The following CARMIL1 variants were observed in gnomAD, a reference collection of about 807,000 sequenced individuals.
CARMIL1 encodes the protein capping protein regulator and myosin 1 linker 1, also known as F-actin-uncapping protein LRRC16A.
CARMIL1 carries 90 observed loss-of-function variants against 177.1 expected under a neutral mutation model. The observed-to-expected ratio is 0.51, with a 90% CI of 0.43 to 0.61. The LOEUF (loss-of-function observed/expected upper bound fraction) is 0.61. CARMIL1 is among the 20% of genes least tolerant of loss of function. The probability of loss-of-function intolerance (pLI) is 0.00; values close to 1 mark genes in which losing one functional copy is unlikely to be tolerated. For synonymous variants in CARMIL1, 577 were observed against 606.2 expected (o/e 0.95, Z 0.71); for missense variants, 1,380 against 1,667.0 (o/e 0.83, Z 3.00).
chr6:25,471,081 A>C, intron 9 of CARMIL1, 88 bp from the exon 10 acceptor site: 4 of 786,436 alleles, frequency 5.1e-6, no homozygotes, highest in Non-Finnish European at 8.2e-6. Context: ...GTTTTACTTA[A>C]TTAAAACTTT....
At chr6:25,352,032 A>G (rs1581657108) in intron 2 of CARMIL1, among the ~76,000 whole-genome samples, 1 of 151,996 alleles carries the variant, frequency 6.6e-6, no homozygotes. Flanking sequence ...TTTTTATTGT[A>G]TCAGTCTCTT....
chr6:25,349,962 C>T (rs7750609), intron 2 of CARMIL1, among the ~76,000 whole-genome samples: 8,865 of 152,060 alleles, frequency 0.058, 577 homozygotes, highest in African/African-American at 0.15. Flanking sequence ...CTCCTGACCT[C>T]GTGATCCGCC....
In CARMIL1 at chr6:25,302,924, C is replaced by T. The variant is rs1025314621; in HGVS notation, c.138+18015C>T. 2.0e-5 allele frequency among the ~76,000 whole-genome samples: 3 copies of T among 151,884 alleles called. No homozygotes were observed. The East Asian group carries it at 5.8e-4, about 29-fold the overall frequency. Reference sequence around the variant, plus strand: ...TTGAGGAGAAAGAGTGTCGTGTCTCCCTGTGTGGTACTGAGTAGTGTTTGT... The same window carrying T: ...TTGAGGAGAAAGAGTGTCGTGTCTCTCTGTGTGGTACTGAGTAGTGTTTGT... On this transcript the variant is annotated intron_variant, in intron 2 of 36. Coordinates refer to ENST00000329474, the MANE Select transcript of CARMIL1 (RefSeq NM_017640.6).
chr6:25,475,090 A>C (rs1562188536), intron 11 of CARMIL1, among the ~76,000 whole-genome samples: 1 of 152,368 alleles, frequency 6.6e-6, no homozygotes, highest in East Asian at 1.9e-4. Flanking sequence ...CCACATGCAA[A>C]ACATGTTAGA....
At chr6:25,601,960 G>A (rs1815453404) in intron 33 of CARMIL1, among the ~76,000 whole-genome samples, 1 of 152,172 alleles carries the variant, frequency 6.6e-6, no homozygotes. Context: ...GAAATCACAT[G>A]TCTATTTTAT....
At position 25,515,278 on chromosome 6, in the gene CARMIL1, A is replaced by G. The variant is rs773462925; in HGVS notation, c.1633-397A>G. Among the ~76,000 whole-genome samples, 5 of 152,200 alleles carry G rather than the reference A, an allele frequency of 3.3e-5. No homozygotes were observed. The highest frequency in any genetic ancestry group is 6.5e-5 in the Admixed American group (1 of 15,282). On this transcript the variant is annotated intron_variant, in intron 20 of 36. Coordinates refer to ENST00000329474, the MANE Select transcript of CARMIL1 (RefSeq NM_017640.6). The surrounding 1 kb of genome is among the most constrained non-coding windows in gnomAD (Gnocchi z 5.0). Reference sequence around the variant, plus strand: ...GGCTTTTATCTTGTATTTGTCCTCTATTAGTATTTTAAGGTGTCATTTCAC... The same window carrying G: ...GGCTTTTATCTTGTATTTGTCCTCTGTTAGTATTTTAAGGTGTCATTTCAC...
Position 25,612,508 on chromosome 6 carries a change from T to TG in CARMIL1, c.3979+2331dup, listed in dbSNP as rs3840098. The TG allele has an allele frequency of 5.0e-3, 757 of 152,576 alleles. 28 individuals are homozygous for TG. In the East Asian group the frequency reaches 0.087, roughly 18 times the overall value. 9.5% of individuals were successfully genotyped at this position (152,576 alleles called of 1,614,324 possible). ...TGGAGCCTTTTTGTTAATACTTTTT[T>TG]GGGGCAGACTCGCAGCTCACCTCAT... is the stretch of plus-strand genomic sequence containing the variant. On this transcript the variant is annotated intron_variant, in intron 36 of 36. Transcript: ENST00000329474.
intron 5 of CARMIL1, among the ~76,000 whole-genome samples, chr6:25,445,126 A>G (rs1263858372): frequency 6.6e-6 from 1 of 152,216 alleles, no homozygotes; most frequent in African/African-American, 2.4e-5. Context: ...GATGACCAGC[A>G]TGTTCACAGT....
intron 2 of CARMIL1, among the ~76,000 whole-genome samples, chr6:25,377,782 G>A (rs1271960380): frequency 6.6e-6 from 1 of 152,172 alleles, no homozygotes; most frequent in Admixed American, 6.5e-5. Flanking sequence ...CTTCCTGCAT[G>A]TTGTCTTCTT....
At chr6:25,452,253 TCTC>T (rs1799042437) in intron 8 of CARMIL1, 2 of 763,112 alleles carry the variant, frequency 2.6e-6, no homozygotes, top group East Asian at 2.4e-5. Context: ...TTAGAGCAGT[TCTC>T]CTTCTTCCTA....
Position 25,351,394 on chromosome 6 carries a change from A to G in CARMIL1, c.138+66485A>G, listed in dbSNP as rs79382066. ...CACACACAGCACATATTCTGTTTCTATTGGACAGAGCTGCTCTAGATTCTG... is the reference window on the plus strand; with the variant it reads ...CACACACAGCACATATTCTGTTTCTGTTGGACAGAGCTGCTCTAGATTCTG... On this transcript the variant is annotated intron_variant, in intron 2 of 36. Coordinates refer to ENST00000329474, the MANE Select transcript of CARMIL1 (RefSeq NM_017640.6). Among the ~76,000 whole-genome samples the G allele has an allele frequency of 9.1e-3, 1,380 of 152,314 alleles. 28 individuals carry two copies. Among genetic ancestry groups the G allele is most frequent in the African/African-American group, 0.031 (1,277 of 41,564 alleles).
At chr6:25,395,117 C>T (rs1793254683) in intron 2 of CARMIL1, among the ~76,000 whole-genome samples, 1 of 152,202 alleles carries the variant, frequency 6.6e-6, no homozygotes, top group Non-Finnish European at 1.5e-5. Context: ...TAAAACCCTA[C>T]TGGGGACTAG....
intron 29 of CARMIL1, among the ~76,000 whole-genome samples, chr6:25,569,205 C>A (rs1472092505): frequency 6.6e-6 from 1 of 152,154 alleles, no homozygotes; most frequent in Non-Finnish European, 1.5e-5. Context: ...AGAGTGATAT[C>A]TTGAGAATTC....
chr6:25,588,048 A>G (rs918621420), intron 31 of CARMIL1, among the ~76,000 whole-genome samples: 1 of 152,226 alleles, frequency 6.6e-6, no homozygotes, highest in African/African-American at 2.4e-5. Flanking sequence ...CAGTATAACA[A>G]TTATTTACGT....
chr6:25,397,608 A>G (rs902135460), intron 2 of CARMIL1, among the ~76,000 whole-genome samples: 3 of 152,200 alleles, frequency 2.0e-5, no homozygotes, highest in African/African-American at 7.2e-5. Context: ...GTGCCTGTGA[A>G]GAGGCCATTA....
chr6:25,340,776 G>C (rs1233712924), intron 2 of CARMIL1, among the ~76,000 whole-genome samples: 1 of 68,554 alleles, frequency 1.5e-5, no homozygotes. Context: ...TGTCAATGAA[G>C]GTTTTTTTTT....
chr6:25,542,171 T>G (rs1808980906), intron 26 of CARMIL1, among the ~76,000 whole-genome samples: 1 of 152,228 alleles, frequency 6.6e-6, no homozygotes. Flanking sequence ...ATCAAACAGC[T>G]TCAAACTGTT....
intron 3 of CARMIL1, 184 bp downstream of exon 3, chr6:25,420,348 A>G: frequency 1.6e-6 from 1 of 613,668 alleles, no homozygotes; most frequent in Non-Finnish European, 2.9e-6. Context: ...TAGCACATTC[A>G]AGTTTTCCTT....
intron 12 of CARMIL1, among the ~76,000 whole-genome samples, chr6:25,485,780 T>TGG (rs1287902787): frequency 6.6e-6 from 1 of 152,184 alleles, no homozygotes; most frequent in East Asian, 1.9e-4. Flanking sequence ...TTGAAATGTT[T>TGG]GTTTATTTAT....
Sources: allele counts gnomAD v4.1 joint callset (sites outside exome capture counted in the v4.1 genomes callset), GRCh38; gene constraint gnomAD v4.1.1; non-coding constraint Gnocchi (gnomAD v3.1); transcripts MANE v1.5; gene names NCBI Gene and HGNC (gene_info 2026-07-23, HGNC 2026-07-21).